Variants in GLRA1 observed in about 807,000 individuals in gnomAD.
GLRA1 encodes glycine receptor alpha 1.
A neutral mutation model predicts 48.3 loss-of-function variants in GLRA1; 37 were observed. That is an observed-to-expected ratio of 0.77 (90% CI 0.59 to 1.01). The LOEUF is 1.01. Ranked by LOEUF, GLRA1 falls within the 50% of genes least tolerant of loss-of-function variation. GLRA1 has a pLI of 0.00. For missense variants in GLRA1, 427 were observed against 571.0 expected, an observed-to-expected ratio of 0.75 and a Z score of 2.57; for synonymous variants, 196 against 210.7, an observed-to-expected ratio of 0.93 and a Z score of 0.60.
intron 1 of GLRA1, among the ~76,000 whole-genome samples, chr5:151,918,301 G>A (rs528997171): frequency 6.6e-6 from 1 of 152,336 alleles, no homozygotes; most frequent in African/African-American, 2.4e-5. Context: ...TTTACAGGGA[G>A]TTGGTTCAGG....
intron 8 of GLRA1, 104 bp downstream of exon 8, chr5:151,828,817 T>C: frequency 8.4e-7 from 1 of 1,194,286 alleles, no homozygotes; most frequent in Non-Finnish European, 1.2e-6. Flanking sequence ...CCTTGCACAT[T>C]GAGAAGGATG....
At chr5:151,829,127 C>G in intron 7 of GLRA1, 60 bp from the exon 8 acceptor site, 2 of 1,544,360 alleles carry the variant, frequency 1.3e-6, no homozygotes, top group African/African-American at 1.4e-5. Context: ...AAACATTAAG[C>G]ATGGCGGAAT....
chr5:151,868,197 C>A (rs1219599978), intron 3 of GLRA1, among the ~76,000 whole-genome samples: 2 of 152,198 alleles, frequency 1.3e-5, no homozygotes, highest in African/African-American at 4.8e-5. Flanking sequence ...CCCTCAGGGG[C>A]ACACAGCAAT....
At chr5:151,878,692 G>C (rs1208707558) in intron 3 of GLRA1, among the ~76,000 whole-genome samples, 2 of 152,168 alleles carry the variant, frequency 1.3e-5, no homozygotes, top group Admixed American at 6.5e-5. Context: ...TACAATTCAG[G>C]TTGTTTCTTC....
chr5:151,834,383 A>G (rs898555420), intron 7 of GLRA1, among the ~76,000 whole-genome samples: 1 of 152,214 alleles, frequency 6.6e-6, no homozygotes, highest in African/African-American at 2.4e-5. Flanking sequence ...CTACTGGGTA[A>G]ATAACGAAAT....
At position 151,901,234 on chromosome 5, in the gene GLRA1, C is replaced by T. The variant is rs763165425; in HGVS notation, c.57-8796G>A. Among the ~76,000 whole-genome samples, 6 of 152,134 alleles carry T rather than the reference C, an allele frequency of 3.9e-5. No homozygotes were observed. The South Asian group carries it at 6.2e-4, about 16-fold the overall frequency. On this transcript the variant is annotated intron_variant, in intron 1 of 8. Coordinates refer to ENST00000274576, the MANE Select transcript of GLRA1 (RefSeq NM_000171.4). The stretch of plus-strand genomic sequence containing the variant: ...CTTATGTCCTTATTTATAATGCTAC[C>T]ACAACCATCTCACTTTGCCCTAACT...
intron 2 of GLRA1, among the ~76,000 whole-genome samples, chr5:151,887,753 C>T (rs913426937): frequency 6.6e-6 from 1 of 152,176 alleles, no homozygotes; most frequent in Non-Finnish European, 1.5e-5. Context: ...CCAGAATTTT[C>T]AGCACTGGGT....
intron 3 of GLRA1, among the ~76,000 whole-genome samples, chr5:151,882,002 C>T (rs555314917): frequency 1.3e-5 from 2 of 152,286 alleles, no homozygotes; most frequent in African/African-American, 4.8e-5. Context: ...AGAGGCAGAA[C>T]CCAGGCTGGA....
intron 3 of GLRA1, among the ~76,000 whole-genome samples, chr5:151,869,156 T>G (rs186195169): frequency 1.3e-5 from 2 of 151,820 alleles, no homozygotes; most frequent in Admixed American, 1.3e-4. Context: ...CAGGCTGGAG[T>G]GCAGTGGTGC....
chr5:151,865,678 G>A (rs753800706), intron 3 of GLRA1, among the ~76,000 whole-genome samples: 41 of 152,186 alleles, frequency 2.7e-4, no homozygotes, highest in Admixed American at 5.2e-4. Context: ...TGTTTTAGAC[G>A]TACATCATCT....
At chr5:151,853,586 T>A (rs1752963723) in intron 6 of GLRA1, among the ~76,000 whole-genome samples, 1 of 152,040 alleles carries the variant, frequency 6.6e-6, no homozygotes, top group Non-Finnish European at 1.5e-5. Flanking sequence ...TTTTAAGAGT[T>A]TTTAAATATA....
chr5:151,868,988 TA>T (rs1753407732), intron 3 of GLRA1, among the ~76,000 whole-genome samples: 1 of 152,222 alleles, frequency 6.6e-6, no homozygotes, highest in Non-Finnish European at 1.5e-5. Flanking sequence ...CAGTGGAGCT[TA>T]GCATCTTTGT....
intron 2 of GLRA1, among the ~76,000 whole-genome samples, chr5:151,888,715 T>C (rs1486776121): frequency 6.6e-6 from 1 of 152,212 alleles, no homozygotes; most frequent in Admixed American, 6.5e-5. Context: ...TTCAGAGAGC[T>C]ACCTGGGTGA....
At chr5:151,920,583 C>G (rs922425506) in intron 1 of GLRA1, among the ~76,000 whole-genome samples, 3 of 152,018 alleles carry the variant, frequency 2.0e-5, no homozygotes, top group African/African-American at 7.3e-5. Flanking sequence ...TTTCTTTTCT[C>G]TTTTTTAAGG....
intron 4 of GLRA1, among the ~76,000 whole-genome samples, chr5:151,857,180 C>T (rs772560896): frequency 1.3e-5 from 2 of 152,258 alleles, no homozygotes; most frequent in Non-Finnish European, 2.9e-5. Flanking sequence ...CAACTTTGCC[C>T]AGCCTAGACA....
chr5:151,904,776 C>T (rs1754439729), intron 1 of GLRA1, among the ~76,000 whole-genome samples: 1 of 152,186 alleles, frequency 6.6e-6, no homozygotes, highest in Non-Finnish European at 1.5e-5. Context: ...ACAGTGCTCA[C>T]TTTGGTGTGT....
intron 7 of GLRA1, among the ~76,000 whole-genome samples, chr5:151,833,796 C>CA (rs757336792): frequency 0.015 from 996 of 64,738 alleles, 21 homozygotes; most frequent in East Asian, 0.035. Flanking sequence ...AAGTGGAAAG[C>CA]AAAAAAAAAA....
At chr5:151,916,265 T>TG (rs1754738736) in intron 1 of GLRA1, among the ~76,000 whole-genome samples, 1 of 152,122 alleles carries the variant, frequency 6.6e-6, no homozygotes, top group Non-Finnish European at 1.5e-5. Flanking sequence ...ATTTTTAAGG[T>TG]GATTGGGCAG....
At chr5:151,891,190 G>A (rs1264663896) in intron 2 of GLRA1, among the ~76,000 whole-genome samples, 3 of 152,204 alleles carry the variant, frequency 2.0e-5, no homozygotes, top group Non-Finnish European at 4.4e-5. Flanking sequence ...TGGGAGGAAG[G>A]TCAGAGTGCA....
Sources: allele counts gnomAD v4.1 joint callset (sites outside exome capture counted in the v4.1 genomes callset), GRCh38; gene constraint gnomAD v4.1.1; transcripts MANE v1.5; gene names NCBI Gene and HGNC (gene_info 2026-07-23, HGNC 2026-07-21).